The following ANOS1 variants were observed in gnomAD, a reference collection of about 807,000 sequenced individuals.
The protein encoded by ANOS1 is anosmin-1.
ANOS1 carries 6 observed loss-of-function variants against 59.0 expected under a neutral mutation model. The observed-to-expected ratio is 0.10, with a 90% CI of 0.06 to 0.20. The LOEUF (loss-of-function observed/expected upper bound fraction) is 0.20, where lower values mean the gene tolerates loss of function less well. ANOS1 is among the 10% of genes least tolerant of loss of function. The pLI, the probability that ANOS1 is intolerant of heterozygous loss-of-function variation, is 1.00. For synonymous variants in ANOS1, 217 were observed against 223.4 expected (o/e 0.97, Z 0.25); for missense variants, 433 against 542.3 (o/e 0.80, Z 2.00).
At chrX:8,641,730 A>C (rs780349410) in intron 2 of ANOS1, among the ~76,000 whole-genome samples, 9 of 112,323 alleles carry the variant, frequency 8.0e-5, no homozygotes, top group Non-Finnish European at 1.7e-4. Flanking sequence ...TTCCAAGGTA[A>C]TGATTTAAAA....
chrX:8,570,319 A>G (rs775149921), intron 7 of ANOS1, among the ~76,000 whole-genome samples, 180 bp downstream of exon 7: 1 of 111,816 alleles, frequency 8.9e-6, no homozygotes, highest in East Asian at 2.8e-4. Flanking sequence ...AAAATATAAA[A>G]GGCAAAACAG....
chrX:8,730,580 A>ACCCCCCCCCCCCCCCCCCC (rs61212461), intron 1 of ANOS1, among the ~76,000 whole-genome samples: 2 of 79,361 alleles, frequency 2.5e-5, no homozygotes, highest in African/African-American at 4.5e-5. Context: ...CTCTAGGGGG[A>ACCCCCCCCCCCCCCCCCCC]CCCCCCCCCC....
intron 2 of ANOS1, among the ~76,000 whole-genome samples, chrX:8,651,289 C>T (rs938502288): frequency 1.4e-4 from 16 of 112,493 alleles, no homozygotes; most frequent in African/African-American, 4.9e-4. Flanking sequence ...GTCCTTAACA[C>T]CAATGCAAAT....
At position 8,640,396 on chromosome X, in the gene ANOS1, G is replaced by C. The variant is rs181180414; in HGVS notation, c.256-16726C>G. Among the ~76,000 whole-genome samples, 510 of 110,876 alleles carry C rather than the reference G, an allele frequency of 4.6e-3. 2 individuals carry two copies. The highest frequency in any genetic ancestry group is 0.016 in the African/African-American group (483 of 30,458). ...CAGTGGCAAGCAAATTCCCTTCAGCGGCTTGACAGACTATGAGGCCAATGT... is the reference window on the plus strand; with the variant it reads ...CAGTGGCAAGCAAATTCCCTTCAGCCGCTTGACAGACTATGAGGCCAATGT... On this transcript the variant is annotated intron_variant, in intron 2 of 13. Coordinates refer to ENST00000262648, the MANE Select transcript of ANOS1 (RefSeq NM_000216.4).
intron 8 of ANOS1, among the ~76,000 whole-genome samples, chrX:8,567,930 T>C (rs1930146989): frequency 8.9e-6 from 1 of 112,575 alleles, no homozygotes. Flanking sequence ...AGAATGCATA[T>C]GTGCACGTCA....
intron 2 of ANOS1, among the ~76,000 whole-genome samples, chrX:8,634,208 C>T (rs1931536213): frequency 9.1e-6 from 1 of 110,345 alleles, no homozygotes; most frequent in African/African-American, 3.3e-5. Context: ...AATCATGATG[C>T]CTGCATCTTC....
At chrX:8,689,764 TA>T (rs758545862) in intron 2 of ANOS1, among the ~76,000 whole-genome samples, 6 of 78,569 alleles carry the variant, frequency 7.6e-5, no homozygotes, top group South Asian at 5.8e-4. Context: ...AATAAAGCTT[TA>T]AAAAAAAAAC....
chrX:8,660,631 A>T (rs376118539), intron 2 of ANOS1, among the ~76,000 whole-genome samples: 3 of 98,358 alleles, frequency 3.1e-5, no homozygotes, highest in South Asian at 4.2e-4. Flanking sequence ...GAAAATTTTT[A>T]AAAAAGAGAA....
intron 2 of ANOS1, among the ~76,000 whole-genome samples, chrX:8,651,330 C>G (rs1332078941): frequency 1.8e-5 from 2 of 112,419 alleles, no homozygotes; most frequent in African/African-American, 6.5e-5. Context: ...TACTCCCATA[C>G]TCACTGAAAG....
rs1047402006 is a variant in ANOS1 at position 8,732,089 on chromosome X, T to A, written c.-53A>T. 2.8e-4 allele frequency: 238 copies of A among 846,198 alleles called. No individual in the cohort carries two copies. The highest frequency in any genetic ancestry group is 1.2e-3 in the Admixed American group (19 of 15,808). 69.7% of individuals were successfully genotyped at this position (846,198 alleles called of 1,213,427 possible). A position where few individuals can be genotyped will look rare whatever the true frequency, so the allele number is the denominator to read the frequency against. On this transcript the variant is annotated 5_prime_UTR_variant, in exon 1 of 14. Transcript: ENST00000262648. ...GCGCCGGGCGCGGGCCGAGGCTCCC[T>A]GCTCCGCGCCGGGGCTGCACTGCTG...
At chrX:8,664,092 G>A (rs1932087569) in intron 2 of ANOS1, among the ~76,000 whole-genome samples, 1 of 111,934 alleles carries the variant, frequency 8.9e-6, no homozygotes, top group Non-Finnish European at 1.9e-5. Context: ...CTAATGCATA[G>A]GTGATGGGTT....
chrX:8,696,280 C>T (rs1932683874), intron 2 of ANOS1, among the ~76,000 whole-genome samples: 1 of 112,254 alleles, frequency 8.9e-6, no homozygotes, highest in Admixed American at 9.5e-5. Context: ...AATCAGTTCC[C>T]TTTAAAAGAG....
At chrX:8,603,236 A>G (rs1178727273) in intron 3 of ANOS1, among the ~76,000 whole-genome samples, 1 of 112,398 alleles carries the variant, frequency 8.9e-6, no homozygotes, top group East Asian at 2.8e-4. Flanking sequence ...CAAAGAAGAG[A>G]TAAAGCAAAG....
At chrX:8,579,771 A>G (rs1298787860) in intron 6 of ANOS1, among the ~76,000 whole-genome samples, 5 of 111,444 alleles carry the variant, frequency 4.5e-5, no homozygotes, top group Admixed American at 9.5e-5. Context: ...GACTGACTTG[A>G]ACACCCTTAA....
chrX:8,580,017 G>C (rs1475549388), intron 6 of ANOS1, among the ~76,000 whole-genome samples: 1 of 111,946 alleles, frequency 8.9e-6, no homozygotes, highest in East Asian at 2.8e-4. Context: ...ATCTTTGATG[G>C]GCAATCTCTA....
intron 8 of ANOS1, among the ~76,000 whole-genome samples, chrX:8,554,800 G>T (rs1929923269): frequency 9.1e-6 from 1 of 109,376 alleles, no homozygotes; most frequent in African/African-American, 3.3e-5. Flanking sequence ...ACACTCCATT[G>T]TCAATATTAG....
chrX:8,662,796 C>T (rs1228889771), intron 2 of ANOS1, among the ~76,000 whole-genome samples: 1 of 111,341 alleles, frequency 9.0e-6, no homozygotes, highest in Non-Finnish European at 1.9e-5. Flanking sequence ...CCGAGGCAGG[C>T]GGATCATCTG....
chrX:8,615,976 A>G (rs756846972), intron 3 of ANOS1, among the ~76,000 whole-genome samples: 146 of 110,700 alleles, frequency 1.3e-3, no homozygotes, highest in African/African-American at 4.6e-3. Context: ...TCTCTACTCT[A>G]AAAACAATTA....
chrX:8,646,320 G>A (rs1210039670), intron 2 of ANOS1, among the ~76,000 whole-genome samples: 4 of 110,681 alleles, frequency 3.6e-5, no homozygotes, highest in Non-Finnish European at 5.7e-5. Context: ...TGGGACTATC[G>A]GTGCGTGCCA....
Sources: allele counts gnomAD v4.1 joint callset (sites outside exome capture counted in the v4.1 genomes callset), GRCh38; gene constraint gnomAD v4.1.1; transcripts MANE v1.5; gene names NCBI Gene and HGNC (gene_info 2026-07-23, HGNC 2026-07-21).